GRID1: variants seen among roughly 807,000 people sequenced by gnomAD.
The protein encoded by GRID1 is glutamate receptor ionotropic, delta-1.
In GRID1, 28 loss-of-function variants were observed where a neutral mutation model predicts 98.0. The observed-to-expected ratio is 0.29, with a 90% CI of 0.21 to 0.39. The LOEUF (loss-of-function observed/expected upper bound fraction) is 0.39, where lower values mean the gene tolerates loss of function less well. Among genes scored for constraint, GRID1 ranks in the 10% least tolerant of loss-of-function variants. The probability of loss-of-function intolerance (pLI) is 1.00; values close to 1 mark genes in which losing one functional copy is unlikely to be tolerated. For synonymous variants in GRID1, 553 were observed against 538.5 expected (o/e 1.03, Z -0.37); for missense variants, 1,111 against 1,340.5 (o/e 0.83, Z 2.67).
At chr10:86,328,444 C>CCTG (rs1271210507) in intron 2 of GRID1, among the ~76,000 whole-genome samples, 1 of 152,206 alleles carries the variant, frequency 6.6e-6, no homozygotes, top group African/African-American at 2.4e-5. Flanking sequence ...ATGGTATGCG[C>CCTG]TCAGCCATGT....
intron 3 of GRID1, among the ~76,000 whole-genome samples, chr10:86,144,041 AGCACTCTGT>A (rs1274375854): frequency 6.6e-5 from 10 of 152,310 alleles, no homozygotes; most frequent in African/African-American, 2.4e-4. Flanking sequence ...GTACTCACTG[AGCACTCTGT>A]GTCTGTCTCT....
intron 2 of GRID1, among the ~76,000 whole-genome samples, chr10:86,224,377 GAA>G (rs1184796851): frequency 6.6e-6 from 1 of 152,134 alleles, no homozygotes; most frequent in Non-Finnish European, 1.5e-5. Flanking sequence ...CAGCTCATGA[GAA>G]AAGAGACCAA....
intron 4 of GRID1, among the ~76,000 whole-genome samples, chr10:86,020,370 A>T (rs550335463): frequency 6.6e-6 from 1 of 152,202 alleles, no homozygotes; most frequent in East Asian, 1.9e-4. Context: ...TGACCGACTG[A>T]GCCATCCATG....
In GRID1 at chr10:86,282,214, C is replaced by T. The variant is rs574982651; in HGVS notation, c.236-75566G>A. Among the ~76,000 whole-genome samples, 5 of 152,298 alleles carry T rather than the reference C, an allele frequency of 3.3e-5. No individual in the cohort carries two copies. In the South Asian group the frequency reaches 1.0e-3, roughly 32 times the overall value. The stretch of plus-strand genomic sequence containing the variant: ...TCCTAGCATACAGCAGATGTTCAAG[C>T]AGTGCCCTCCTGCTCCCATCCCAGC... On this transcript the variant is annotated intron_variant, in intron 2 of 15. Coordinates refer to ENST00000327946, the MANE Select transcript of GRID1 (RefSeq NM_017551.3).
chr10:86,171,419 A>G (rs1158112937), intron 3 of GRID1, among the ~76,000 whole-genome samples: 3 of 152,214 alleles, frequency 2.0e-5, no homozygotes, highest in Non-Finnish European at 4.4e-5. Context: ...CATTTTAGGC[A>G]ATTAAGGAGG....
At chr10:86,200,617 C>T (rs1215684695) in intron 3 of GRID1, among the ~76,000 whole-genome samples, 1 of 152,116 alleles carries the variant, frequency 6.6e-6, no homozygotes, top group African/African-American at 2.4e-5. Context: ...TTAAACAAGA[C>T]AAGCAAAAGA....
chr10:85,961,062 T>C (rs1015862013), intron 4 of GRID1, among the ~76,000 whole-genome samples: 3 of 152,000 alleles, frequency 2.0e-5, no homozygotes, highest in African/African-American at 7.2e-5. Flanking sequence ...CTCAGGAGTC[T>C]CAGAAGTGGG....
chr10:85,824,774 T>C (rs1404489539), intron 8 of GRID1, among the ~76,000 whole-genome samples: 2 of 152,158 alleles, frequency 1.3e-5, no homozygotes, highest in Non-Finnish European at 2.9e-5. Context: ...ATAGTTTAGC[T>C]CCCACTTATA....
chr10:85,709,399 T>C (rs942015985), intron 12 of GRID1, among the ~76,000 whole-genome samples: 4 of 152,268 alleles, frequency 2.6e-5, no homozygotes, highest in Admixed American at 6.5e-5. Flanking sequence ...ATGGGGTATA[T>C]TAAGCATTCT....
At chr10:85,708,711 T>C (rs1316406752) in intron 12 of GRID1, 1 of 152,328 alleles carries the variant, frequency 6.6e-6, no homozygotes, top group African/African-American at 2.4e-5. Flanking sequence ...TTCAGTGTTG[T>C]GTATGTGTCT....
At chr10:85,893,637 A>G (rs1358365089) in intron 5 of GRID1, among the ~76,000 whole-genome samples, 1 of 152,224 alleles carries the variant, frequency 6.6e-6, no homozygotes, top group African/African-American at 2.4e-5. Flanking sequence ...ATTTACAATT[A>G]TAGGAAACTT....
At chr10:86,251,513 C>A (rs188707662) in intron 2 of GRID1, among the ~76,000 whole-genome samples, 1 of 152,316 alleles carries the variant, frequency 6.6e-6, no homozygotes, top group East Asian at 1.9e-4. Flanking sequence ...TGCAGGGCTA[C>A]TACCTCAGCT....
intron 5 of GRID1, among the ~76,000 whole-genome samples, chr10:85,883,849 A>G (rs541893892): frequency 6.6e-6 from 1 of 152,046 alleles, no homozygotes; most frequent in Admixed American, 6.6e-5. Flanking sequence ...GCTCCATGCA[A>G]CTCCAGTCAA....
intron 2 of GRID1, among the ~76,000 whole-genome samples, chr10:86,345,451 C>A (rs1477514631): frequency 6.6e-6 from 1 of 152,200 alleles, no homozygotes; most frequent in Non-Finnish European, 1.5e-5. Flanking sequence ...CTCCTCTCCC[C>A]TCTCTGTGGC....
intron 5 of GRID1, among the ~76,000 whole-genome samples, chr10:85,884,414 T>C (rs1841083172): frequency 1.3e-5 from 2 of 152,202 alleles, no homozygotes; most frequent in South Asian, 4.1e-4. Flanking sequence ...TTGTTTCATT[T>C]GGCTGTCTCT....
rs71016123 is a variant in GRID1, at chr10:86,207,628, CTTTTT to C, written c.236-985_236-981del. On this transcript the variant is annotated intron_variant, in intron 2 of 15. Coordinates refer to ENST00000327946, the MANE Select transcript of GRID1 (RefSeq NM_017551.3). ...GGATGTGGAGAAGCAGATGCAGTTTCTTTTTTTTTTTTTTTTTTTTTGAGACGGAG... is the reference window on the plus strand; with the variant it reads ...GGATGTGGAGAAGCAGATGCAGTTTCTTTTTTTTTTTTTTTTGAGACGGAG... Among the ~76,000 whole-genome samples, 3 of 106,220 alleles carry C rather than the reference CTTTTT, an allele frequency of 2.8e-5. 1 individual carries two copies. Among genetic ancestry groups the C allele is most frequent in the South Asian group, 6.7e-4 (2 of 2,996 alleles). The allele number at this position is 106,220 out of a possible 152,430, so 69.7% of individuals were successfully genotyped here. A position where few individuals can be genotyped will look rare whatever the true frequency, so the allele number is the denominator to read the frequency against.
Position 85,814,637 on chromosome 10 carries a change from C to T in GRID1, c.1233+39859G>A, listed in dbSNP as rs142681228. Among the ~76,000 whole-genome samples, 297 of 151,882 alleles carry T rather than the reference C, an allele frequency of 2.0e-3. 2 individuals are homozygous for T. The highest frequency in any genetic ancestry group is 5.4e-3 in the African/African-American group (224 of 41,502). Reference sequence around the variant, plus strand: ...ACTACATACTTTTAAATGATATTAACGGAATACCATTAATAATTCTATGTC... The same window carrying T: ...ACTACATACTTTTAAATGATATTAATGGAATACCATTAATAATTCTATGTC... On this transcript the variant is annotated intron_variant, in intron 8 of 15. Coordinates refer to ENST00000327946, the MANE Select transcript of GRID1 (RefSeq NM_017551.3).
At chr10:85,997,811 G>A (rs1169294499) in intron 4 of GRID1, among the ~76,000 whole-genome samples, 1 of 152,104 alleles carries the variant, frequency 6.6e-6, no homozygotes, top group African/African-American at 2.4e-5. Flanking sequence ...CCAATTACAT[G>A]TTGCCTACAA....
intron 2 of GRID1, among the ~76,000 whole-genome samples, chr10:86,288,375 G>A (rs1420078713): frequency 6.6e-6 from 1 of 152,188 alleles, no homozygotes; most frequent in Admixed American, 6.5e-5. Flanking sequence ...GACAGTGTGT[G>A]ATCAGTTACA....
Sources: gnomAD v4.1 joint callset for allele counts (sites outside exome capture counted in the v4.1 genomes callset) on GRCh38, gnomAD v4.1.1 for gene constraint, MANE v1.5 for transcripts, NCBI Gene and HGNC (gene_info 2026-07-23, HGNC 2026-07-21) for gene names.